The following ACSF2 variants were observed in gnomAD, a reference collection of about 807,000 sequenced individuals.
ACSF2 encodes acyl-CoA synthetase family member 2.
A neutral mutation model predicts 79.3 loss-of-function variants in ACSF2; 52 were observed. The ratio of observed to expected loss-of-function variants is 0.66; its 90% CI spans 0.53 to 0.83. The LOEUF (loss-of-function observed/expected upper bound fraction) is 0.83, where lower values mean the gene tolerates loss of function less well. Ranked by LOEUF, ACSF2 falls within the 40% of genes least tolerant of loss-of-function variation. The pLI is 0.00. For synonymous variants in ACSF2, 283 were observed against 312.6 expected (o/e 0.91, Z 1.00); for missense variants, 661 against 803.3 (o/e 0.82, Z 2.14).
In ACSF2 at chr17:50,426,287, G is replaced by A. The variant is rs770503407; in HGVS notation, c.26G>A (p.Arg9His). The A allele has an allele frequency of 1.4e-6, 2 of 1,408,016 alleles. No individual in the cohort carries two copies. Among genetic ancestry groups the A allele is most frequent in the Admixed American group, 2.8e-5 (1 of 35,256 alleles). 87.2% of individuals were successfully genotyped at this position (1,408,016 alleles called of 1,614,324 possible). The change falls in exon 1 of 16, where the codon CGC becomes CAC. Residue 9 changes from arginine to histidine, a missense_variant. Coordinates refer to ENST00000300441, the MANE Select transcript of ACSF2 (RefSeq NM_025149.6). Reference protein sequence around the residue: MAVYVGMLRLGRLCAGSSG... With the variant: MAVYVGMLHLGRLCAGSSG... ...ATGGCTGTCTACGTCGGGATGCTGC[G>A]CCTGGGGAGGCTGTGCGCCGGGAGC...
chr17:50,453,408 A>T (rs1419174175), intron 1 of ACSF2, among the ~76,000 whole-genome samples: 1 of 151,922 alleles, frequency 6.6e-6, no homozygotes, highest in African/African-American at 2.4e-5. Flanking sequence ...GGGTTGCACC[A>T]TGTTGGCCAG....
intron 1 of ACSF2, among the ~76,000 whole-genome samples, chr17:50,428,863 A>G (rs1048482954): frequency 1.3e-5 from 2 of 152,274 alleles, no homozygotes; most frequent in African/African-American, 4.8e-5. Flanking sequence ...ATTCTGCGTC[A>G]TGCTAGCACA....
Position 50,449,162 on chromosome 17 carries a change from G to A in ACSF2, c.129-11515G>A, listed in dbSNP as rs142323327. 6.3e-3 allele frequency among the ~76,000 whole-genome samples: 957 copies of A among 151,488 alleles called. 14 individuals are homozygous for A. Among genetic ancestry groups the A allele is most frequent in the African/African-American group, 0.021 (880 of 41,286 alleles). ...CTCCCGAGTAGCCGGGACTACAGGC[G>A]CCCACCACAATGCCCAGCTAATTTT... On this transcript the variant is annotated intron_variant, in intron 1 of 15. Coordinates refer to ENST00000300441, the MANE Select transcript of ACSF2 (RefSeq NM_025149.6).
intron 10 of ACSF2, chr17:50,468,167 C>T: frequency 6.2e-7 from 1 of 1,614,178 alleles, no homozygotes; most frequent in Non-Finnish European, 8.5e-7. Flanking sequence ...CCGTAGCTTG[C>T]TCAGGGCAGC....
At chr17:50,455,037 C>G (rs147666415) in intron 1 of ACSF2, among the ~76,000 whole-genome samples, 17 of 152,344 alleles carry the variant, frequency 1.1e-4, no homozygotes, top group African/African-American at 3.4e-4. Flanking sequence ...CTGGAGTGTG[C>G]AGTGGCACCA....
intron 1 of ACSF2, among the ~76,000 whole-genome samples, chr17:50,437,378 A>G (rs998129976): frequency 2.6e-5 from 4 of 152,198 alleles, no homozygotes; most frequent in Non-Finnish European, 5.9e-5. Flanking sequence ...GGCTAGGCAC[A>G]ATGGCTTACG....
At chr17:50,470,115 G>A (rs1488210899) in intron 10 of ACSF2, 1 of 152,782 alleles carries the variant, frequency 6.5e-6, no homozygotes, top group Non-Finnish European at 1.5e-5. Context: ...CAGCTGATAT[G>A]GGGGAAGCTT....
intron 1 of ACSF2, among the ~76,000 whole-genome samples, chr17:50,437,871 C>T (rs1343146556): frequency 1.3e-5 from 2 of 152,160 alleles, no homozygotes; most frequent in African/African-American, 4.8e-5. Flanking sequence ...GTGTGTCTGA[C>T]AGGGAATAAA....
intron 1 of ACSF2, among the ~76,000 whole-genome samples, chr17:50,456,256 T>C (rs2031988969): frequency 6.6e-6 from 1 of 152,192 alleles, no homozygotes; most frequent in Admixed American, 6.5e-5. Flanking sequence ...CTGTCCTTCA[T>C]GGAGGAGAAG....
intron 10 of ACSF2, 157 bp downstream of exon 10, chr17:50,464,451 C>A: frequency 1.3e-6 from 1 of 751,270 alleles, no homozygotes. Flanking sequence ...AGTCTGACCT[C>A]ATCAGCACCT....
intron 1 of ACSF2, among the ~76,000 whole-genome samples, chr17:50,437,067 C>T (rs1009190860): frequency 2.0e-5 from 3 of 152,182 alleles, no homozygotes; most frequent in Non-Finnish European, 2.9e-5. Flanking sequence ...CAACCACTAG[C>T]CTAGTGTCTG....
intron 6 of ACSF2, 185 bp from the exon 7 acceptor site, chr17:50,462,971 A>T: frequency 1.6e-6 from 1 of 619,426 alleles, no homozygotes; most frequent in Non-Finnish European, 2.8e-6. Flanking sequence ...CGGAGACCTT[A>T]TCTTCTGCAT....
At position 50,462,171 on chromosome 17, in the gene ACSF2, T is replaced by G. The variant is rs774332997; in HGVS notation, c.508-13T>G. ...TCCCCGCTGACTGGAGGTGGGGGAC[T>G]CCCCTTCCACAGGTGGGCTGCAAGG... On this transcript the variant is annotated splice_polypyrimidine_tract_variant and intron_variant, in intron 4 of 15. Transcript: ENST00000300441. The G allele has an allele frequency of 4.3e-6, 7 of 1,611,824 alleles. No homozygotes were observed. The Admixed American group carries it at 1.2e-4, about 27-fold the overall frequency.
At chr17:50,427,013 C>G in intron 1 of ACSF2, 2 of 1,532,860 alleles carry the variant, frequency 1.3e-6, no homozygotes, top group Non-Finnish European at 1.7e-6. Context: ...GTGACCAGTC[C>G]TTGGGAGGAC....
chr17:50,442,055 A>C (rs2030962655), intron 1 of ACSF2, among the ~76,000 whole-genome samples: 1 of 152,150 alleles, frequency 6.6e-6, no homozygotes, highest in Non-Finnish European at 1.5e-5. Flanking sequence ...CTGTAATCCC[A>C]GCACTTTGGG....
At chr17:50,461,956 G>T (rs1018702034) in intron 4 of ACSF2, among the ~76,000 whole-genome samples, 5 of 151,704 alleles carry the variant, frequency 3.3e-5, no homozygotes. Context: ...GTGTGTGCGT[G>T]TGTCCATCCT....
chr17:50,437,022 C>T (rs563434777), intron 1 of ACSF2, among the ~76,000 whole-genome samples: 1 of 152,280 alleles, frequency 6.6e-6, no homozygotes, highest in East Asian at 1.9e-4. Flanking sequence ...AAGCATTGGC[C>T]ATCTCTACTC....
At chr17:50,472,901 A>C (rs1174223411) in intron 12 of ACSF2, 1 of 204,356 alleles carries the variant, frequency 4.9e-6, no homozygotes, top group African/African-American at 2.3e-5. Context: ...AGAGGAAAGT[A>C]AGATGAGAAG....
intron 1 of ACSF2, among the ~76,000 whole-genome samples, chr17:50,443,730 C>T (rs1376353522): frequency 1.3e-5 from 2 of 152,190 alleles, no homozygotes; most frequent in East Asian, 3.8e-4. Flanking sequence ...AATCTTATAC[C>T]AGTTTACACT....
Sources: gnomAD v4.1 joint callset for allele counts (sites outside exome capture counted in the v4.1 genomes callset) on GRCh38, gnomAD v4.1.1 for gene constraint, MANE v1.5 for transcripts, NCBI Gene and HGNC (gene_info 2026-07-23, HGNC 2026-07-21) for gene names.